The following DOCK2 variants were observed in gnomAD, a reference collection of about 807,000 sequenced individuals.
DOCK2 encodes dedicator of cytokinesis 2, also known as dedicator of cytokinesis protein 2.
A neutral mutation model predicts 248.9 loss-of-function variants in DOCK2; 87 were observed. The observed-to-expected ratio is 0.35, with a 90% CI of 0.29 to 0.42. The LOEUF (loss-of-function observed/expected upper bound fraction) is 0.42. Among genes scored for constraint, DOCK2 ranks in the 10% least tolerant of loss-of-function variants. The pLI is 1.00. For missense variants in DOCK2, 1,747 were observed against 2,300.2 expected (o/e 0.76, Z 4.92); for synonymous variants, 805 against 821.6 (o/e 0.98, Z 0.35).
At chr5:169,773,586 T>A (rs1765217253) in intron 25 of DOCK2, among the ~76,000 whole-genome samples, 1 of 152,220 alleles carries the variant, frequency 6.6e-6, no homozygotes, top group Admixed American at 6.5e-5. Flanking sequence ...AATGGAAGCA[T>A]ACATAATGAG....
At chr5:169,798,502 A>G (rs1766785502) in intron 25 of DOCK2, among the ~76,000 whole-genome samples, 1 of 152,196 alleles carries the variant, frequency 6.6e-6, no homozygotes, top group Non-Finnish European at 1.5e-5. Context: ...ATATCTTAGT[A>G]ATGGGATTTA....
At position 169,698,946 on chromosome 5, in the gene DOCK2, C is replaced by G. The variant is rs994293923; in HGVS notation, c.1056-436C>G. ...CAATAAGGGAGGTCAATGTCCTCTC[C>G]TCTCCTGTTCCAAAAGGAGTCTTCC... is the stretch of plus-strand genomic sequence containing the variant. On this transcript the variant is annotated intron_variant, in intron 11 of 51. Transcript: ENST00000520908. 3.9e-5 allele frequency among the ~76,000 whole-genome samples: 6 copies of G among 152,248 alleles called. No homozygotes were observed. The East Asian group carries it at 5.8e-4, about 15-fold the overall frequency.
chr5:169,917,040 G>C (rs1019372078), intron 27 of DOCK2, among the ~76,000 whole-genome samples: 1 of 152,170 alleles, frequency 6.6e-6, no homozygotes, highest in African/African-American at 2.4e-5. Flanking sequence ...CAGAAAATGG[G>C]CACCTATATG....
At chr5:169,708,696 T>C (rs1174169097) in intron 15 of DOCK2, among the ~76,000 whole-genome samples, 2 of 151,992 alleles carry the variant, frequency 1.3e-5, no homozygotes, top group African/African-American at 4.8e-5. Context: ...CCCTGAGTAG[T>C]TGGGATTACA....
chr5:170,046,232 A>T (rs1756704129), intron 39 of DOCK2, among the ~76,000 whole-genome samples: 1 of 152,208 alleles, frequency 6.6e-6, no homozygotes, highest in African/African-American at 2.4e-5. Flanking sequence ...AAATCACTAA[A>T]CCAATTAAAT....
chr5:169,871,198 CA>C (rs927795143), intron 27 of DOCK2, among the ~76,000 whole-genome samples: 25 of 152,298 alleles, frequency 1.6e-4, no homozygotes, highest in African/African-American at 6.0e-4. Flanking sequence ...GAAGGGTACA[CA>C]AACATTCAGT....
intron 23 of DOCK2, among the ~76,000 whole-genome samples, chr5:169,748,802 T>TA (rs1763751624): frequency 6.6e-6 from 1 of 152,148 alleles, no homozygotes; most frequent in South Asian, 2.1e-4. Flanking sequence ...TATAAATGAT[T>TA]AAAAATGATT....
intron 25 of DOCK2, among the ~76,000 whole-genome samples, chr5:169,793,037 C>T (rs546874604): frequency 8.5e-5 from 13 of 152,186 alleles, no homozygotes; most frequent in Admixed American, 7.2e-4. Flanking sequence ...TTTCAGAAGG[C>T]GTGATGATAG....
chr5:169,785,416 A>G (rs1187998223), intron 25 of DOCK2, among the ~76,000 whole-genome samples: 2 of 152,208 alleles, frequency 1.3e-5, no homozygotes, highest in African/African-American at 4.8e-5. Context: ...AATTTATCAA[A>G]TATTTTCCCA....
Position 169,972,708 on chromosome 5 carries a change from C to T in DOCK2, c.2800-10360C>T, listed in dbSNP as rs573415940. On this transcript the variant is annotated intron_variant, in intron 27 of 51. Coordinates refer to ENST00000520908, the MANE Select transcript of DOCK2 (RefSeq NM_004946.3). Reference sequence around the variant, plus strand: ...TCATCATACCTGACATAGCTCCTTACACACAATAAGTGCTAAATAAATATT... The same window carrying T: ...TCATCATACCTGACATAGCTCCTTATACACAATAAGTGCTAAATAAATATT... Among the ~76,000 whole-genome samples the T allele has an allele frequency of 3.3e-5, 5 of 152,306 alleles. 1 individual carries two copies. Among genetic ancestry groups the T allele is most frequent in the East Asian group, 1.9e-4 (1 of 5,192 alleles).
intron 26 of DOCK2, among the ~76,000 whole-genome samples, chr5:169,835,879 C>G (rs1301176117): frequency 6.6e-6 from 1 of 151,916 alleles, no homozygotes; most frequent in Non-Finnish European, 1.5e-5. Context: ...CTCAGCCTCC[C>G]CGATAGCTGG....
At chr5:170,007,238 T>G (rs1030569930) in intron 30 of DOCK2, among the ~76,000 whole-genome samples, 2 of 152,174 alleles carry the variant, frequency 1.3e-5, no homozygotes, top group African/African-American at 4.8e-5. Context: ...CTGGCTAATG[T>G]TGCCTATCCT....
At chr5:170,041,904 A>C in intron 37 of DOCK2, 109 bp from the exon 38 acceptor site, 1 of 1,323,536 alleles carries the variant, frequency 7.6e-7, no homozygotes, top group Non-Finnish European at 1.0e-6. Flanking sequence ...GAGAGATGGA[A>C]AGGACAGGGT....
chr5:169,671,136 C>G lies in DOCK2; in HGVS notation c.283C>G (p.Leu95Val). The G allele has an allele frequency of 6.2e-7, 1 of 1,614,018 alleles. No homozygotes were observed. Among genetic ancestry groups the G allele is most frequent in the East Asian group, 2.2e-5 (1 of 44,862 alleles). ...IPLAQEVTTT[L>V]WEWGSIWKQL... ...TCTGGCACAAGAAGTGACAACGACA[C>G]TTTGGGAATGGGGAAGCATCTGGAA... The change falls in exon 5 of 52, where the codon CTT (leucine) becomes GTT (valine). Residue 95 changes from leucine to valine, a missense_variant. Leu to Val is a conservative substitution (Grantham distance 32, BLOSUM62 1). Transcript: ENST00000520908.
At position 169,674,270 on chromosome 5, in the gene DOCK2, A is replaced by C. The variant is rs1037406523; in HGVS notation, c.322-27A>C. The C allele has an allele frequency of 3.1e-6, 5 of 1,612,516 alleles. No individual in the cohort carries two copies. The African/African-American group carries it at 6.7e-5, about 22-fold the overall frequency. On this transcript the variant is annotated intron_variant, in intron 5 of 51. Coordinates refer to ENST00000520908, the MANE Select transcript of DOCK2 (RefSeq NM_004946.3). Reference sequence around the variant, plus strand: ...ATGGTCATGCCCCTTTAACACAGGTAATTATGGGTTGTTTCTTGTCTCCTA... The same window carrying C: ...ATGGTCATGCCCCTTTAACACAGGTCATTATGGGTTGTTTCTTGTCTCCTA...
intron 8 of DOCK2, among the ~76,000 whole-genome samples, chr5:169,686,778 G>A (rs954244573): frequency 6.6e-6 from 1 of 152,128 alleles, no homozygotes; most frequent in African/African-American, 2.4e-5. Flanking sequence ...ACTGAATCAC[G>A]GTCAGATACC....
rs74350237 is a variant in DOCK2, at chr5:169,863,890, T to C, written c.2799+23038T>C. Reference sequence around the variant, plus strand: ...CCGGGTCTGCACAACACTATTTTTTTCTTTTGGGTTTATGAACCCAGGATG... The same window carrying C: ...CCGGGTCTGCACAACACTATTTTTTCCTTTTGGGTTTATGAACCCAGGATG... On this transcript the variant is annotated intron_variant, in intron 27 of 51. Coordinates refer to ENST00000520908, the MANE Select transcript of DOCK2 (RefSeq NM_004946.3). Among the ~76,000 whole-genome samples, 362 of 152,338 alleles carry C rather than the reference T, an allele frequency of 2.4e-3. 2 individuals carry two copies. Among genetic ancestry groups the C allele is most frequent in the African/African-American group, 8.6e-3 (357 of 41,574 alleles).
chr5:169,698,610 T>C (rs548828517), intron 11 of DOCK2, among the ~76,000 whole-genome samples, 161 bp downstream of exon 11: 1 of 152,342 alleles, frequency 6.6e-6, no homozygotes, highest in African/African-American at 2.4e-5. Context: ...GCCCAGGCAC[T>C]CAAAACCAAA....
chr5:169,714,278 A>T (rs1371420777), intron 18 of DOCK2, 67 bp downstream of exon 18: 8 of 1,608,460 alleles, frequency 5.0e-6, no homozygotes, highest in African/African-American at 4.0e-5. Flanking sequence ...ACATGTGTGT[A>T]TGTGCTTGCA....
Sources: gnomAD v4.1 joint callset for allele counts (sites outside exome capture counted in the v4.1 genomes callset) on GRCh38, gnomAD v4.1.1 for gene constraint, MANE v1.5 for transcripts, NCBI Gene and HGNC (gene_info 2026-07-23, HGNC 2026-07-21) for gene names.